The following RCAN1 variants were observed in gnomAD, a reference collection of about 807,000 sequenced individuals.
The protein encoded by RCAN1 is calcipressin-1.
RCAN1 carries 11 observed loss-of-function variants against 22.9 expected under a neutral mutation model. The ratio of observed to expected loss-of-function variants is 0.48; its 90% CI spans 0.30 to 0.79. RCAN1 has a LOEUF of 0.79. Among genes scored for constraint, RCAN1 ranks in the 30% least tolerant of loss-of-function variants. RCAN1 has a pLI of 0.06. For missense variants in RCAN1, 291 were observed against 337.8 expected, an observed-to-expected ratio of 0.86 and a Z score of 1.09; for synonymous variants, 136 against 142.3, an observed-to-expected ratio of 0.96 and a Z score of 0.32.
At chr21:34,545,548 G>C (rs74955521) in intron 1 of RCAN1, among the ~76,000 whole-genome samples, 1 of 152,208 alleles carries the variant, frequency 6.6e-6, no homozygotes, top group African/African-American at 2.4e-5. Flanking sequence ...TTGAAGAAGT[G>C]GGGGGCTGGC....
At chr21:34,543,211 C>T (rs999773150) in intron 1 of RCAN1, among the ~76,000 whole-genome samples, 5 of 152,204 alleles carry the variant, frequency 3.3e-5, no homozygotes, top group Non-Finnish European at 7.3e-5. Context: ...AAATATGTTG[C>T]CATACATGGA....
intron 1 of RCAN1, among the ~76,000 whole-genome samples, chr21:34,554,102 C>T (rs924559045): frequency 1.3e-5 from 2 of 152,186 alleles, no homozygotes; most frequent in Non-Finnish European, 1.5e-5. Context: ...CTATTCGAAT[C>T]TTTAGCTAGA....
intron 3 of RCAN1, among the ~76,000 whole-genome samples, chr21:34,519,017 T>A (rs1231612700): frequency 6.6e-6 from 1 of 152,188 alleles, no homozygotes; most frequent in African/African-American, 2.4e-5. Context: ...CTGGTGCTCA[T>A]GAAGGCAGCT....
rs1265316489 is a variant in RCAN1, at chr21:34,521,252, G to A, written c.586+247C>T. On this transcript the variant is annotated intron_variant, in intron 3 of 3. Transcript: ENST00000313806. ...CAGGAATGGATTCCTGGGACACTGC[G>A]GGGGGTGGAGGGGCGTGATGCAGGG... The A allele has an allele frequency of 1.5e-5, 21 of 1,434,300 alleles. No individual in the cohort carries two copies. The East Asian group carries it at 1.8e-4, about 12-fold the overall frequency. 88.8% of individuals were successfully genotyped at this position (1,434,300 alleles called of 1,614,324 possible). A position where few individuals can be genotyped will look rare whatever the true frequency, so the allele number is the denominator to read the frequency against.
Position 34,611,228 on chromosome 21 carries a change from A to C in RCAN1, c.252+3532T>G, listed in dbSNP as rs146160003. 3.6e-3 allele frequency among the ~76,000 whole-genome samples: 543 copies of C among 152,288 alleles called. 5 individuals carry two copies. Among genetic ancestry groups the C allele is most frequent in the African/African-American group, 0.012 (507 of 41,546 alleles). On this transcript the variant is annotated intron_variant, in intron 1 of 3. Transcript: ENST00000313806. The stretch of plus-strand genomic sequence containing the variant: ...GCATTTTGAATTGTTTTGCTTTTCT[A>C]AATAGAAAAGAAAAAAAGACTCACA...
intron 1 of RCAN1, among the ~76,000 whole-genome samples, chr21:34,584,939 G>A (rs1987738865): frequency 6.6e-6 from 1 of 152,100 alleles, no homozygotes; most frequent in Non-Finnish European, 1.5e-5. Flanking sequence ...ATTATCTGAG[G>A]GTCATGTTTT....
In RCAN1 at chr21:34,614,162, G is replaced by T; in HGVS notation, c.252+598C>A. ...GGCGGCAAGCCACACCTTCACACAA[G>T]GGGGCAAGGTTCTTGACTAAATATC... On this transcript the variant is annotated intron_variant, in intron 1 of 3. Transcript: ENST00000313806. The surrounding 1 kb of genome is among the most constrained non-coding windows in gnomAD (Gnocchi z 6.0). 1 of 884,836 alleles carries T rather than the reference G, an allele frequency of 1.1e-6. No homozygotes were observed. Among genetic ancestry groups the T allele is most frequent in the Non-Finnish European group, 1.4e-6 (1 of 717,220 alleles). The allele number at this position is 884,836 out of a possible 1,614,324, so 54.8% of individuals were successfully genotyped here. A position where few individuals can be genotyped will look rare whatever the true frequency, so the allele number is the denominator to read the frequency against.
chr21:34,600,153 T>G (rs949996784), intron 1 of RCAN1, among the ~76,000 whole-genome samples: 1 of 152,188 alleles, frequency 6.6e-6, no homozygotes, highest in South Asian at 2.1e-4. Flanking sequence ...GGGGACAGAC[T>G]GCTGGGTGGC....
rs374486619 is a variant in RCAN1 at position 34,518,009 on chromosome 21, C to T, written c.*75G>A. ...TCTCGGCTGCCACCTCCGAAGAAGT[C>T]GTGACCAGCCACCTCCACAGTAAAA... On this transcript the variant is annotated 3_prime_UTR_variant, in exon 4 of 4. Coordinates refer to ENST00000313806, the MANE Select transcript of RCAN1 (RefSeq NM_004414.7). This position sits in a 1 kb window ranked among gnomAD's most constrained non-coding sequence, Gnocchi z 4.2. 164 of 1,564,562 alleles carry T rather than the reference C, an allele frequency of 1.0e-4. No individual in the cohort carries two copies. Among genetic ancestry groups the T allele is most frequent in the Non-Finnish European group, 1.3e-4 (152 of 1,148,676 alleles).
chr21:34,609,736 G>A (rs533196713), intron 1 of RCAN1, among the ~76,000 whole-genome samples: 1 of 152,292 alleles, frequency 6.6e-6, no homozygotes, highest in South Asian at 2.1e-4. Flanking sequence ...TAATGAAGGT[G>A]ACAGCAGATT....
chr21:34,573,921 T>C (rs2123686770), intron 1 of RCAN1, among the ~76,000 whole-genome samples: 1 of 152,200 alleles, frequency 6.6e-6, no homozygotes, highest in African/African-American at 2.4e-5. Flanking sequence ...TGAAAACATA[T>C]AAAGGAGGAA....
chr21:34,568,580 A>C (rs1347760923), intron 1 of RCAN1, among the ~76,000 whole-genome samples: 1 of 152,138 alleles, frequency 6.6e-6, no homozygotes, highest in Admixed American at 6.5e-5. Context: ...CTCTCCTTAC[A>C]TCCACTGGAG....
chr21:34,581,832 A>G (rs1306890830), intron 1 of RCAN1, among the ~76,000 whole-genome samples: 1 of 152,200 alleles, frequency 6.6e-6, no homozygotes, highest in Non-Finnish European at 1.5e-5. Flanking sequence ...CGTGTCTCCC[A>G]CGGGCTCTAC....
intron 1 of RCAN1, among the ~76,000 whole-genome samples, chr21:34,541,438 G>A (rs1985907182): frequency 6.6e-6 from 1 of 152,222 alleles, no homozygotes; most frequent in African/African-American, 2.4e-5. Flanking sequence ...ATACTAGTTA[G>A]TTAACGTTCC....
intron 1 of RCAN1, among the ~76,000 whole-genome samples, chr21:34,585,445 T>C (rs183998465): frequency 4.6e-5 from 7 of 152,252 alleles, no homozygotes. Context: ...AAACAATTTT[T>C]AAAAATACAT....
At chr21:34,568,742 A>T (rs1357333532) in intron 1 of RCAN1, among the ~76,000 whole-genome samples, 1 of 152,194 alleles carries the variant, frequency 6.6e-6, no homozygotes, top group East Asian at 1.9e-4. Context: ...GCCCAGAGCC[A>T]TTTCAAGTCT....
At chr21:34,573,653 G>C (rs541872082) in intron 1 of RCAN1, among the ~76,000 whole-genome samples, 1 of 152,258 alleles carries the variant, frequency 6.6e-6, no homozygotes, top group Non-Finnish European at 1.5e-5. Flanking sequence ...CAAGTGACTC[G>C]AGTTCACTGC....
At chr21:34,595,965 T>C (rs1027058141) in intron 1 of RCAN1, among the ~76,000 whole-genome samples, 6 of 152,238 alleles carry the variant, frequency 3.9e-5, no homozygotes, top group African/African-American at 1.4e-4. Context: ...TCAAGGATTC[T>C]GGCCGAGGAG....
chr21:34,602,921 C>T (rs1188563838), intron 1 of RCAN1, among the ~76,000 whole-genome samples: 2 of 152,088 alleles, frequency 1.3e-5, no homozygotes, highest in Admixed American at 1.3e-4. Context: ...TTTCAAAAGT[C>T]TCCCCTTCAG....
Sources: gnomAD v4.1 joint callset for allele counts (sites outside exome capture counted in the v4.1 genomes callset) on GRCh38, gnomAD v4.1.1 for gene constraint, Gnocchi (gnomAD v3.1) non-coding constraint, MANE v1.5 for transcripts, NCBI Gene and HGNC (gene_info 2026-07-23, HGNC 2026-07-21) for gene names.